CTNNA3: variants seen among roughly 807,000 people sequenced by gnomAD.
CTNNA3 encodes catenin alpha 3.
In CTNNA3, 76 loss-of-function variants were observed where a neutral mutation model predicts 95.7. That is an observed-to-expected ratio of 0.79 (90% CI 0.66 to 0.96). The LOEUF is 0.96. CTNNA3 is among the 40% of genes least tolerant of loss of function. CTNNA3 has a pLI of 0.00. For missense variants in CTNNA3, 1,191 were observed against 1,089.8 expected, an observed-to-expected ratio of 1.09 and a Z score of -1.31; for synonymous variants, 431 against 374.4, an observed-to-expected ratio of 1.15 and a Z score of -1.74.
intron 9 of CTNNA3, among the ~76,000 whole-genome samples, chr10:66,711,976 C>T (rs1466346651): frequency 1.3e-5 from 2 of 152,118 alleles, no homozygotes; most frequent in African/African-American, 4.8e-5. Flanking sequence ...CCCCAGCCAT[C>T]TTTTCTGACT....
chr10:66,188,591 G>A (rs2086465511), intron 13 of CTNNA3, among the ~76,000 whole-genome samples: 1 of 107,010 alleles, frequency 9.3e-6, no homozygotes, highest in Non-Finnish European at 1.8e-5. Flanking sequence ...GGGAGGGGGG[G>A]TCTCTGTGTG....
At chr10:66,983,994 A>T (rs1589546071) in intron 7 of CTNNA3, among the ~76,000 whole-genome samples, 1 of 152,160 alleles carries the variant, frequency 6.6e-6, no homozygotes, top group Non-Finnish European at 1.5e-5. Flanking sequence ...GTTGATGATA[A>T]TCGAGGCTTA....
intron 9 of CTNNA3, among the ~76,000 whole-genome samples, chr10:66,734,908 G>A (rs1306157240): frequency 6.6e-6 from 1 of 151,282 alleles, no homozygotes; most frequent in Non-Finnish European, 1.5e-5. Context: ...TTACATTACG[G>A]AATCTTTTTT....
At position 65,980,427 on chromosome 10, in the gene CTNNA3, G is replaced by A. The variant is rs190625515; in HGVS notation, c.2265+8265C>T. The stretch of plus-strand genomic sequence containing the variant: ...TTCAAAGAGGAATTGATACCAATCC[G>A]ATTGACATTATTCCACAGGATAGAG... On this transcript the variant is annotated intron_variant, in intron 16 of 17. Coordinates refer to ENST00000433211, the MANE Select transcript of CTNNA3 (RefSeq NM_013266.4). Among the ~76,000 whole-genome samples, 327 of 151,416 alleles carry A rather than the reference G, an allele frequency of 2.2e-3. 1 individual carries two copies. The highest frequency in any genetic ancestry group is 7.6e-3 in the African/African-American group (314 of 41,340).
chr10:66,848,527 C>T (rs553424413), intron 7 of CTNNA3, among the ~76,000 whole-genome samples: 1 of 152,226 alleles, frequency 6.6e-6, no homozygotes, highest in African/African-American at 2.4e-5. Flanking sequence ...ATGGAAATAT[C>T]CCAAACTCTC....
chr10:67,485,125 T>C (rs568820028), intron 5 of CTNNA3, among the ~76,000 whole-genome samples: 22 of 152,304 alleles, frequency 1.4e-4, no homozygotes, highest in Admixed American at 9.8e-4. Context: ...GACCATGGAA[T>C]ACTATGCAGC....
In CTNNA3 at chr10:67,289,967, T is replaced by A. The variant is rs116684822; in HGVS notation, c.580-70097A>T. ...GGCATATACCACATGCCAGGCTAATTTAAAAAAAAAAAAACATTTGTAGAG... is the reference window on the plus strand; with the variant it reads ...GGCATATACCACATGCCAGGCTAATATAAAAAAAAAAAAACATTTGTAGAG... On this transcript the variant is annotated intron_variant, in intron 5 of 17. Coordinates refer to ENST00000433211, the MANE Select transcript of CTNNA3 (RefSeq NM_013266.4). 6.6e-3 allele frequency among the ~76,000 whole-genome samples: 996 copies of A among 151,374 alleles called. 11 individuals are homozygous for A. The highest frequency in any genetic ancestry group is 0.023 in the African/African-American group (955 of 41,162).
chr10:67,218,608 G>T (rs1300242955), intron 6 of CTNNA3, among the ~76,000 whole-genome samples: 3 of 152,136 alleles, frequency 2.0e-5, no homozygotes, highest in Non-Finnish European at 4.4e-5. Context: ...GATTCTGGAG[G>T]ACCCAGCCTA....
At chr10:66,639,202 T>C (rs1845435403) in intron 9 of CTNNA3, among the ~76,000 whole-genome samples, 1 of 81,454 alleles carries the variant, frequency 1.2e-5, no homozygotes, top group Non-Finnish European at 2.2e-5. Context: ...AGTTGAACCA[T>C]AGAAAAAGAA....
chr10:66,503,632 C>A (rs914252555), intron 11 of CTNNA3, among the ~76,000 whole-genome samples: 9 of 152,148 alleles, frequency 5.9e-5, no homozygotes, highest in Admixed American at 4.6e-4. Flanking sequence ...CCATGCCTGG[C>A]TAATTTTTGT....
At chr10:66,730,105 G>A (rs1367146181) in intron 9 of CTNNA3, among the ~76,000 whole-genome samples, 22 of 134,220 alleles carry the variant, frequency 1.6e-4, no homozygotes, top group South Asian at 5.0e-4. Context: ...TACTCTGTCT[G>A]AAAAAAAAAA....
rs903327704 is a variant in CTNNA3, at chr10:67,742,662, T to G, written c.-2+20772A>C. Among the ~76,000 whole-genome samples, 32 of 149,160 alleles carry G rather than the reference T, an allele frequency of 2.1e-4. 1 individual carries two copies. The highest frequency in any genetic ancestry group is 6.8e-4 in the African/African-American group (28 of 40,886). Reference sequence around the variant, plus strand: ...GAAATAACTAAGATCAGAGCAGAACTGAAGGAAATAGAGACACAAAAAACC... The same window carrying G: ...GAAATAACTAAGATCAGAGCAGAACGGAAGGAAATAGAGACACAAAAAACC... On this transcript the variant is annotated intron_variant, in intron 1 of 17. Transcript: ENST00000684154.
intron 7 of CTNNA3, among the ~76,000 whole-genome samples, chr10:66,976,844 A>T (rs1850064872): frequency 6.6e-6 from 1 of 152,064 alleles, no homozygotes; most frequent in African/African-American, 2.4e-5. Context: ...GGAGATACCC[A>T]CGTTTTTGTT....
chr10:67,460,478 T>C (rs949754659), intron 5 of CTNNA3, among the ~76,000 whole-genome samples: 3 of 152,304 alleles, frequency 2.0e-5, no homozygotes, highest in Admixed American at 6.5e-5. Context: ...AGCTTTTCTA[T>C]CTACCAATCT....
rs1564502731 is a variant in CTNNA3, at chr10:67,237,146, A to AC, written c.580-17277_580-17276insG. Among the ~76,000 whole-genome samples the AC allele has an allele frequency of 5.4e-5, 4 of 73,922 alleles. No individual in the cohort carries two copies. The East Asian group carries it at 1.1e-3, about 20-fold the overall frequency. The allele number at this position is 73,922 out of a possible 152,430, so 48.5% of individuals were successfully genotyped here. Reference sequence around the variant, plus strand: ...TGTATGTATATATATATATATATATATATATATATATATATATATATATAT... The same window carrying AC: ...TGTATGTATATATATATATATATATACTATATATATATATATATATATATAT... On this transcript the variant is annotated intron_variant, in intron 5 of 17. Transcript: ENST00000433211.
At chr10:66,452,330 A>G (rs935925034) in intron 11 of CTNNA3, among the ~76,000 whole-genome samples, 1 of 152,132 alleles carries the variant, frequency 6.6e-6, no homozygotes, top group Admixed American at 6.6e-5. Flanking sequence ...TGTGACCCCA[A>G]GAGGGTGGGA....
At chr10:66,768,643 T>C (rs1839960332) in intron 8 of CTNNA3, among the ~76,000 whole-genome samples, 1 of 152,144 alleles carries the variant, frequency 6.6e-6, no homozygotes, top group African/African-American at 2.4e-5. Context: ...CTGGAAACCA[T>C]TTCCTCACCT....
intron 17 of CTNNA3, among the ~76,000 whole-genome samples, chr10:65,945,909 C>G (rs2077509712): frequency 6.6e-6 from 1 of 152,084 alleles, no homozygotes; most frequent in Non-Finnish European, 1.5e-5. Context: ...GAATAAGAAC[C>G]CTGTCCTAAA....
chr10:67,091,106 A>G (rs1463268255), intron 7 of CTNNA3, among the ~76,000 whole-genome samples: 3 of 152,002 alleles, frequency 2.0e-5, no homozygotes, highest in Non-Finnish European at 2.9e-5. Flanking sequence ...GCCTGTATAT[A>G]AAGGTCAAGC....
Sources: allele counts gnomAD v4.1 joint callset (sites outside exome capture counted in the v4.1 genomes callset), GRCh38; gene constraint gnomAD v4.1.1; transcripts MANE v1.5; gene names NCBI Gene and HGNC (gene_info 2026-07-23, HGNC 2026-07-21).